Variants in KIAA1217 observed in about 807,000 individuals in gnomAD.
The protein encoded by KIAA1217 is sickle tail protein homolog.
KIAA1217 carries 88 observed loss-of-function variants against 163.9 expected under a neutral mutation model. That is an observed-to-expected ratio of 0.54 (90% CI 0.45 to 0.64). The LOEUF (loss-of-function observed/expected upper bound fraction) is 0.64. Among genes scored for constraint, KIAA1217 ranks in the 30% least tolerant of loss-of-function variants. The probability of loss-of-function intolerance (pLI) is 0.00; values close to 1 mark genes in which losing one functional copy is unlikely to be tolerated. For synonymous variants in KIAA1217, 903 were observed against 923.1 expected (o/e 0.98, Z 0.39); for missense variants, 2,372 against 2,475.0 (o/e 0.96, Z 0.88).
At chr10:24,430,490 T>A (rs186054705) in intron 3 of KIAA1217, among the ~76,000 whole-genome samples, 20 of 152,336 alleles carry the variant, frequency 1.3e-4, no homozygotes, top group Admixed American at 2.0e-4. Flanking sequence ...TTGGGATGAT[T>A]CAAACGCATT....
chr10:24,442,571 T>A (rs1345999888), intron 5 of KIAA1217, among the ~76,000 whole-genome samples: 1 of 152,126 alleles, frequency 6.6e-6, no homozygotes, highest in African/African-American at 2.4e-5. Flanking sequence ...GAAGAAAAAA[T>A]TCCTAATCTT....
At chr10:24,260,586 C>CAAAAAAAAA in intron 2 of KIAA1217, among the ~76,000 whole-genome samples, 1 of 61,164 alleles carries the variant, frequency 1.6e-5, no homozygotes, top group Non-Finnish European at 3.2e-5. Flanking sequence ...CTCATCTCTA[C>CAAAAAAAAA]AAAAAAAAAA....
At chr10:23,704,172 G>GTGTGTGTGTGTGTGTGTGTA (rs1229370789) in intron 1 of KIAA1217, among the ~76,000 whole-genome samples, 3 of 39,944 alleles carry the variant, frequency 7.5e-5, no homozygotes, top group African/African-American at 4.0e-4. Flanking sequence ...GTGTGTGTGT[G>GTGTGTGTGTGTGTGTGTGTA]TATATATATA....
chr10:24,436,628 G>A (rs555434611), intron 4 of KIAA1217, among the ~76,000 whole-genome samples: 1 of 151,684 alleles, frequency 6.6e-6, no homozygotes, highest in Non-Finnish European at 1.5e-5. Context: ...CGTGGTGGCG[G>A]GCACCTGTAG....
chr10:23,816,352 G>A (rs367922909), intron 1 of KIAA1217, among the ~76,000 whole-genome samples: 2 of 152,128 alleles, frequency 1.3e-5, no homozygotes, highest in East Asian at 1.9e-4. Context: ...GAGTGCAGTG[G>A]TGCTATCTCG....
At chr10:23,960,926 A>T (rs1349446631) in intron 1 of KIAA1217, among the ~76,000 whole-genome samples, 1 of 152,238 alleles carries the variant, frequency 6.6e-6, no homozygotes, top group Non-Finnish European at 1.5e-5. Flanking sequence ...GCTAGCCTTC[A>T]GATATCAAAG....
intron 1 of KIAA1217, among the ~76,000 whole-genome samples, chr10:23,821,423 G>A (rs1837617681): frequency 6.6e-6 from 1 of 152,036 alleles, no homozygotes; most frequent in Admixed American, 6.6e-5. Context: ...AAGAATGCAT[G>A]CAAACCACAA....
chr10:24,035,392 T>C (rs988227695), intron 2 of KIAA1217, among the ~76,000 whole-genome samples: 3 of 152,192 alleles, frequency 2.0e-5, no homozygotes, highest in Admixed American at 6.5e-5. Context: ...TGTCTTGGGG[T>C]ACCTGATGCC....
chr10:24,209,293 T>A (rs1229971485), intron 1 of KIAA1217, 30 bp downstream of exon 1: 1 of 1,555,324 alleles, frequency 6.4e-7, no homozygotes, highest in Non-Finnish European at 8.9e-7. Flanking sequence ...AAAGATGGAG[T>A]TACAGGGACG....
chr10:24,381,352 C>T (rs970444497), intron 3 of KIAA1217, among the ~76,000 whole-genome samples: 1 of 152,176 alleles, frequency 6.6e-6, no homozygotes, highest in Non-Finnish European at 1.5e-5. Context: ...TGCTACTATA[C>T]AGCAGGAGTC....
chr10:24,108,067 A>C (rs2062699814), intron 2 of KIAA1217, among the ~76,000 whole-genome samples: 1 of 152,188 alleles, frequency 6.6e-6, no homozygotes, highest in South Asian at 2.1e-4. Context: ...AGCAAGGAAG[A>C]GGGAAGAAGT....
chr10:23,907,452 A>G (rs1243692785), intron 1 of KIAA1217, among the ~76,000 whole-genome samples: 2 of 152,076 alleles, frequency 1.3e-5, no homozygotes, highest in Non-Finnish European at 2.9e-5. Context: ...TGCCATCTGC[A>G]TGCTGGAGAA....
At chr10:23,817,290 C>A (rs1321124959) in intron 1 of KIAA1217, among the ~76,000 whole-genome samples, 1 of 152,144 alleles carries the variant, frequency 6.6e-6, no homozygotes. Context: ...CAAATGACTT[C>A]TTCTTCAGAA....
intron 2 of KIAA1217, among the ~76,000 whole-genome samples, chr10:24,131,995 G>A (rs1463184711): frequency 6.6e-6 from 1 of 152,120 alleles, no homozygotes; most frequent in African/African-American, 2.4e-5. Flanking sequence ...TTCAATGATG[G>A]TCCGATGAAT....
At chr10:24,380,561 G>C (rs1270064562) in intron 2 of KIAA1217, among the ~76,000 whole-genome samples, 2 of 152,002 alleles carry the variant, frequency 1.3e-5, no homozygotes, top group Non-Finnish European at 2.9e-5. Context: ...AGAATTGCTT[G>C]AAAACCGGAG....
chr10:23,969,633 A>G (rs751519144), intron 1 of KIAA1217, among the ~76,000 whole-genome samples: 11 of 152,196 alleles, frequency 7.2e-5, no homozygotes, highest in Admixed American at 2.0e-4. Context: ...GGTTATTTAT[A>G]TCTTTACTAT....
intron 2 of KIAA1217, among the ~76,000 whole-genome samples, chr10:24,270,436 T>G (rs1218031744): frequency 6.6e-6 from 1 of 152,228 alleles, no homozygotes; most frequent in Non-Finnish European, 1.5e-5. Flanking sequence ...CAAACTCCAC[T>G]GTCACTAAAT....
chr10:23,759,796 G>A (rs2130854214), intron 1 of KIAA1217, among the ~76,000 whole-genome samples: 1 of 152,270 alleles, frequency 6.6e-6, no homozygotes, highest in South Asian at 2.1e-4. Flanking sequence ...ACTTCTGTGA[G>A]CCTCCAGTCC....
intron 10 of KIAA1217, among the ~76,000 whole-genome samples, chr10:24,517,649 A>G (rs965694144): frequency 1.6e-4 from 24 of 152,048 alleles, no homozygotes; most frequent in Non-Finnish European, 1.8e-4. Flanking sequence ...TGTTAGGTTG[A>G]ATTACTGGTG....
Sources: allele counts gnomAD v4.1 joint callset (sites outside exome capture counted in the v4.1 genomes callset), GRCh38; gene constraint gnomAD v4.1.1; transcripts MANE v1.5; gene names NCBI Gene and HGNC (gene_info 2026-07-23, HGNC 2026-07-21).